The following TGFBR3 variants were observed in gnomAD, a reference collection of about 807,000 sequenced individuals.
The protein encoded by TGFBR3 is transforming growth factor beta receptor type 3.
Under a neutral mutation model 87.9 loss-of-function variants are expected in TGFBR3, and 46 were observed. The ratio of observed to expected loss-of-function variants is 0.52; its 90% confidence interval spans 0.41 to 0.67. The LOEUF (loss-of-function observed/expected upper bound fraction) is 0.67. TGFBR3 is among the 30% of genes least tolerant of loss of function. The pLI, the probability that TGFBR3 is intolerant of heterozygous loss-of-function variation, is 0.00. For synonymous variants in TGFBR3, 381 were observed against 391.6 expected (o/e 0.97, Z 0.32); for missense variants, 866 against 1,041.9 (o/e 0.83, Z 2.32).
chr1:91,881,276 C>T (rs975586834), intron 1 of TGFBR3, among the ~76,000 whole-genome samples: 2 of 152,140 alleles, frequency 1.3e-5, no homozygotes, highest in Non-Finnish European at 2.9e-5. Flanking sequence ...TCCCTGGGCT[C>T]TTAGGCTCAG....
At chr1:91,793,431 A>C (rs953429484) in intron 3 of TGFBR3, among the ~76,000 whole-genome samples, 17 of 152,210 alleles carry the variant, frequency 1.1e-4, no homozygotes, top group African/African-American at 3.9e-4. Flanking sequence ...AGTCAATTAC[A>C]GCTTGGAGCC....
At chr1:91,726,790 C>CAA (rs199939529) in intron 7 of TGFBR3, among the ~76,000 whole-genome samples, 23 of 90,576 alleles carry the variant, frequency 2.5e-4, no homozygotes, top group Non-Finnish European at 3.9e-4. Context: ...AGAGATTGGC[C>CAA]AAAAAAAAAA....
chr1:91,855,120 A>C (rs1007926445), intron 2 of TGFBR3, among the ~76,000 whole-genome samples: 1 of 152,226 alleles, frequency 6.6e-6, no homozygotes, highest in Non-Finnish European at 1.5e-5. Flanking sequence ...GCTCAGACTA[A>C]AAGCATCTCG....
chr1:91,878,858 C>G (rs1678961865), intron 1 of TGFBR3, among the ~76,000 whole-genome samples: 1 of 152,166 alleles, frequency 6.6e-6, no homozygotes, highest in Admixed American at 6.5e-5. Context: ...CTCCAAAGGC[C>G]CCCTTCACTA....
In TGFBR3 at chr1:91,814,829, C is replaced by T. The variant is rs182235966; in HGVS notation, c.62-17358G>A. 2.4e-4 allele frequency among the ~76,000 whole-genome samples: 37 copies of T among 152,188 alleles called. No homozygotes were observed. In the East Asian group the frequency reaches 5.2e-3, roughly 21 times the overall value. On this transcript the variant is annotated intron_variant, in intron 2 of 16. Transcript: ENST00000212355. ...ATCAAAATGCATAGGTATAAATAAA[C>T]GGGCAAATAAAACAGGCGCTCACAA...
intron 10 of TGFBR3, among the ~76,000 whole-genome samples, chr1:91,718,860 T>C (rs563016178): frequency 1.4e-3 from 208 of 152,308 alleles, no homozygotes; most frequent in African/African-American, 5.0e-3. Context: ...TCTTTTTGGA[T>C]TTTTATTCAT....
chr1:91,809,300 G>A (rs1052381524), intron 2 of TGFBR3, among the ~76,000 whole-genome samples: 1 of 152,210 alleles, frequency 6.6e-6, no homozygotes, highest in African/African-American at 2.4e-5. Flanking sequence ...GAGAAAGAGA[G>A]GTAAGAATGT....
chr1:91,726,882 T>C (rs1025739386), intron 7 of TGFBR3, among the ~76,000 whole-genome samples: 1 of 152,190 alleles, frequency 6.6e-6, no homozygotes, highest in Non-Finnish European at 1.5e-5. Context: ...GGAGGATTTT[T>C]CTTTAACTTT....
At chr1:91,796,445 T>C (rs747829087) in intron 3 of TGFBR3, among the ~76,000 whole-genome samples, 2 of 152,234 alleles carry the variant, frequency 1.3e-5, no homozygotes, top group Non-Finnish European at 2.9e-5. Flanking sequence ...ATCTTTATCA[T>C]CACCATCTCC....
rs1177474001 is a variant in TGFBR3, at chr1:91,695,478, C to T, written c.2437+194G>A. The T allele has an allele frequency of 5.0e-6, 3 of 602,858 alleles. No homozygotes were observed. The Admixed American group carries it at 7.4e-5, about 15-fold the overall frequency. The allele number at this position is 602,858 out of a possible 1,614,324, so 37.3% of individuals were successfully genotyped here. ...ACAATCGCAATTAGCACAGTTTAAA[C>T]CTTCCTTTTCTTTCCACTGTTTATG... is the stretch of plus-strand genomic sequence containing the variant. On this transcript the variant is annotated intron_variant, in intron 16 of 16. Coordinates refer to ENST00000212355, the MANE Select transcript of TGFBR3 (RefSeq NM_003243.5).
chr1:91,861,224 A>G (rs2634022), intron 2 of TGFBR3, among the ~76,000 whole-genome samples: 19,729 of 151,974 alleles, frequency 0.13, 1,635 homozygotes, highest in East Asian at 0.4. Context: ...CAACATAGGA[A>G]ACCCTATCTC....
intron 2 of TGFBR3, among the ~76,000 whole-genome samples, chr1:91,891,667 T>C (rs987552861): frequency 5.9e-5 from 9 of 152,212 alleles, no homozygotes; most frequent in African/African-American, 2.2e-4. Context: ...ACAACTACTC[T>C]TAAGAATGTG....
chr1:91,835,063 G>C (rs955307904), intron 2 of TGFBR3, among the ~76,000 whole-genome samples: 1 of 152,150 alleles, frequency 6.6e-6, no homozygotes, highest in Non-Finnish European at 1.5e-5. Context: ...TTATGCAAGT[G>C]GGGGGCCCAG....
intron 1 of TGFBR3, among the ~76,000 whole-genome samples, chr1:91,905,115 G>A (rs1679819569): frequency 6.6e-6 from 1 of 152,180 alleles, no homozygotes; most frequent in East Asian, 1.9e-4. Context: ...ATGTCAATAT[G>A]TTGTAGCTAT....
chr1:91,882,437 A>G (rs1679126823), intron 1 of TGFBR3, among the ~76,000 whole-genome samples: 1 of 151,600 alleles, frequency 6.6e-6, no homozygotes, highest in South Asian at 2.1e-4. Flanking sequence ...ACACCCAGCC[A>G]AAAACTTTTT....
chr1:91,690,247 A>C (rs1191685797), intron 16 of TGFBR3, among the ~76,000 whole-genome samples: 9 of 152,142 alleles, frequency 5.9e-5, no homozygotes, highest in Admixed American at 3.3e-4. Flanking sequence ...ATAGTTCTCT[A>C]CATTTCCTCC....
At chr1:91,702,348 T>C (rs960385351) in intron 14 of TGFBR3, among the ~76,000 whole-genome samples, 1 of 152,134 alleles carries the variant, frequency 6.6e-6, no homozygotes, top group Non-Finnish European at 1.5e-5. Context: ...CAGAGTAGCC[T>C]TCCTAAATGA....
chr1:91,827,005 C>A (rs1234813424), intron 2 of TGFBR3, among the ~76,000 whole-genome samples: 1 of 152,284 alleles, frequency 6.6e-6, no homozygotes, highest in Admixed American at 6.5e-5. Flanking sequence ...TACCTACAGG[C>A]CTTTCCTATT....
chr1:91,780,926 CACACACAG>C (rs879677593), intron 3 of TGFBR3, among the ~76,000 whole-genome samples: 62 of 134,984 alleles, frequency 4.6e-4, no homozygotes, highest in Non-Finnish European at 6.6e-4. Context: ...CACACACACA[CACACACAG>C]AGATCTCATC....
Sources: gnomAD v4.1 joint callset for allele counts (sites outside exome capture counted in the v4.1 genomes callset) on GRCh38, gnomAD v4.1.1 for gene constraint, MANE v1.5 for transcripts, NCBI Gene and HGNC (gene_info 2026-07-23, HGNC 2026-07-21) for gene names.